The following DOCK8 variants were observed in gnomAD, a reference collection of about 807,000 sequenced individuals.
DOCK8 encodes dedicator of cytokinesis 8, also known as dedicator of cytokinesis protein 8.
In DOCK8, 141 loss-of-function variants were observed where a neutral mutation model predicts 245.6. The observed-to-expected ratio is 0.57, with a 90% confidence interval of 0.50 to 0.66. The LOEUF is 0.66. Among genes scored for constraint, DOCK8 ranks in the 30% least tolerant of loss-of-function variants. The pLI is 0.00. For synonymous variants in DOCK8, 1,168 were observed against 970.2 expected (o/e 1.20, Z -3.79); for missense variants, 2,965 against 2,603.4 (o/e 1.14, Z -3.02).
intron 20 of DOCK8, among the ~76,000 whole-genome samples, chr9:378,593 G>A (rs2053612372): frequency 6.6e-6 from 1 of 152,182 alleles, no homozygotes; most frequent in African/African-American, 2.4e-5. Flanking sequence ...GCCCTCCTTC[G>A]ATTACTTTCT....
chr9:211,713 G>A (rs2046622246), upstream of DOCK8, among the ~76,000 whole-genome samples: 2 of 152,056 alleles, frequency 1.3e-5, no homozygotes, highest in Non-Finnish European at 2.9e-5. Context: ...TCAGAGAGAG[G>A]CAAGCAGATG....
At chr9:458,806 C>T (rs1257704071) in intron 46 of DOCK8, among the ~76,000 whole-genome samples, 1 of 152,080 alleles carries the variant, frequency 6.6e-6, no homozygotes, top group Non-Finnish European at 1.5e-5. Context: ...ATGAGATCCT[C>T]TCTCTAAAAA....
At chr9:245,806 C>G (rs1315620004) in intron 1 of DOCK8, among the ~76,000 whole-genome samples, 1 of 152,140 alleles carries the variant, frequency 6.6e-6, no homozygotes, top group African/African-American at 2.4e-5. Flanking sequence ...GAGATGCAAA[C>G]CAAGAACTTG....
intron 3 of DOCK8, 115 bp from the exon 4 acceptor site, chr9:289,395 A>G (rs2048947439): frequency 2.5e-6 from 2 of 816,304 alleles, no homozygotes; most frequent in Non-Finnish European, 4.2e-6. Flanking sequence ...AGAACATCCT[A>G]AGCATTCTCA....
chr9:457,999 C>G (rs1050624457), intron 46 of DOCK8: 1 of 152,236 alleles, frequency 6.6e-6, no homozygotes, highest in Non-Finnish European at 1.5e-5. Flanking sequence ...GTTGAGCACT[C>G]TGGCTCCAGA....
intron 28 of DOCK8, among the ~76,000 whole-genome samples, chr9:409,220 G>C (rs1461026890): frequency 6.6e-6 from 1 of 152,166 alleles, no homozygotes; most frequent in Admixed American, 6.5e-5. Flanking sequence ...GGGAGCTACA[G>C]CTCCAGTTTC....
intron 11 of DOCK8, 87 bp downstream of exon 11, chr9:334,471 C>T (rs570905470): frequency 3.4e-6 from 5 of 1,452,560 alleles, no homozygotes; most frequent in Non-Finnish European, 4.7e-6. Context: ...ACTGGGGGCA[C>T]AGTGAGGTGT....
intron 26 of DOCK8, among the ~76,000 whole-genome samples, chr9:400,269 CA>C (rs2054811579): frequency 4.5e-5 from 4 of 89,156 alleles, no homozygotes; most frequent in African/African-American, 5.4e-5. Context: ...CCACCTCCAC[CA>C]TCACCACCAC....
intron 1 of DOCK8, among the ~76,000 whole-genome samples, chr9:260,872 A>G (rs1030080860): frequency 1.3e-5 from 2 of 152,242 alleles, no homozygotes; most frequent in Non-Finnish European, 2.9e-5. Context: ...GGAATGAACA[A>G]TGGGTGAACA....
intron 28 of DOCK8, among the ~76,000 whole-genome samples, chr9:408,115 G>A (rs543252471): frequency 1.3e-5 from 2 of 152,306 alleles, no homozygotes; most frequent in African/African-American, 4.8e-5. Context: ...AATAATGTTT[G>A]CTAATTAATG....
chr9:400,124 TCTTCACCATCAC>T (rs2054749738), intron 26 of DOCK8, among the ~76,000 whole-genome samples: 4 of 15,508 alleles, frequency 2.6e-4, no homozygotes, highest in African/African-American at 1.2e-3. Context: ...ACCACCAGCA[TCTTCACCATCAC>T]CACCACCTCC....
chr9:214,698 C>T, upstream of DOCK8: 1 of 1,565,896 alleles, frequency 6.4e-7, no homozygotes, highest in Non-Finnish European at 8.7e-7. Context: ...GCCGTCTGCC[C>T]CAGTATCGGG....
chr9:349,548 C>A (rs757572310), intron 14 of DOCK8, among the ~76,000 whole-genome samples: 3 of 152,116 alleles, frequency 2.0e-5, no homozygotes, highest in Non-Finnish European at 2.9e-5. Flanking sequence ...TTATCTTTCC[C>A]TAGAATTACA....
At chr9:211,291 G>C (rs1359684394), upstream of DOCK8, among the ~76,000 whole-genome samples, 2 of 152,080 alleles carry the variant, frequency 1.3e-5, no homozygotes, top group East Asian at 3.9e-4. Context: ...GGACAAGCTG[G>C]AGATCTTCCC....
intron 9 of DOCK8, among the ~76,000 whole-genome samples, chr9:328,433 C>T (rs1196066805): frequency 6.6e-6 from 1 of 152,208 alleles, no homozygotes; most frequent in Non-Finnish European, 1.5e-5. Context: ...GTTTCCTGGT[C>T]TTTCTGAGAC....
intron 29 of DOCK8, 50 bp downstream of exon 29, chr9:415,001 A>T: frequency 6.8e-6 from 11 of 1,606,602 alleles, no homozygotes; most frequent in Non-Finnish European, 9.4e-6. Flanking sequence ...CCCCTGCCAA[A>T]TGCCCCATCC....
chr9:254,448 T>C (rs1052068870), intron 1 of DOCK8, among the ~76,000 whole-genome samples: 1 of 152,224 alleles, frequency 6.6e-6, no homozygotes, highest in Non-Finnish European at 1.5e-5. Context: ...CTACTTACTT[T>C]AGCAAGATTA....
chr9:438,538 C>T (rs2056979389), intron 39 of DOCK8, among the ~76,000 whole-genome samples: 1 of 152,186 alleles, frequency 6.6e-6, no homozygotes, highest in Admixed American at 6.5e-5. Context: ...CCCTCAGGGT[C>T]GAGCGGGTAC....
At chr9:446,665 G>C in intron 44 of DOCK8, 59 bp downstream of exon 44, 1 of 1,500,806 alleles carries the variant, frequency 6.7e-7, no homozygotes, top group Non-Finnish European at 9.2e-7. Flanking sequence ...CCTCCCAGGA[G>C]GACCCACAAA....
Sources: allele counts gnomAD v4.1 joint callset (sites outside exome capture counted in the v4.1 genomes callset), GRCh38; gene constraint gnomAD v4.1.1; transcripts MANE v1.5; gene names NCBI Gene and HGNC (gene_info 2026-07-23, HGNC 2026-07-21).